SOX13: variants seen among roughly 807,000 people sequenced by gnomAD.
SOX13 encodes the protein transcription factor SOX-13.
In SOX13, 28 loss-of-function variants were observed where a neutral mutation model predicts 71.8. The observed-to-expected ratio is 0.39, with a 90% CI of 0.29 to 0.53. The LOEUF (loss-of-function observed/expected upper bound fraction) is 0.53. Among genes scored for constraint, SOX13 ranks in the 20% least tolerant of loss-of-function variants. SOX13 has a pLI of 0.70. For synonymous variants in SOX13, 309 were observed against 317.8 expected (o/e 0.97, Z 0.29); for missense variants, 627 against 810.3 (o/e 0.77, Z 2.75).
intron 1 of SOX13, among the ~76,000 whole-genome samples, chr1:204,091,592 T>C (rs1344395571): frequency 6.6e-6 from 1 of 152,216 alleles, no homozygotes; most frequent in African/African-American, 2.4e-5. Context: ...GAACAAAGCC[T>C]CTTTCCCATC....
rs760681109 is a variant in SOX13 at position 204,124,761 on chromosome 1, G to A, written c.1496G>A (p.Arg499His). The part of the protein sequence containing the change: ...PDYKYKPRPK[R>H]TCIVEGKRLR... ...TACAAGTACAAGCCGCGGCCCAAGC[G>A]CACCTGCATCGTGGAGGGCAAGCGG... The change falls in exon 13 of 14, where the codon CGC (arginine) becomes CAC (histidine). Residue 499 changes from arginine to histidine, a missense_variant. This residue lies in a region of SOX13 where 148 missense variants were observed against 192.7 expected (regional missense o/e 0.77). Transcript: ENST00000367204. The A allele has an allele frequency of 2.5e-6, 4 of 1,607,916 alleles. No homozygotes were observed. Among genetic ancestry groups the A allele is most frequent in the Non-Finnish European group, 2.5e-6 (3 of 1,177,542 alleles).
At position 204,126,495 on chromosome 1, in the gene SOX13, T is replaced by G; in HGVS notation, c.*361T>G. The G allele has an allele frequency of 3.6e-6, 1 of 277,226 alleles. No individual in the cohort carries two copies. The highest frequency in any genetic ancestry group is 4.7e-5 in the Admixed American group (1 of 21,134). 17.2% of individuals were successfully genotyped at this position (277,226 alleles called of 1,614,324 possible). A position where few individuals can be genotyped will look rare whatever the true frequency, so the allele number is the denominator to read the frequency against. On this transcript the variant is annotated 3_prime_UTR_variant, in exon 14 of 14. Transcript: ENST00000367204. Reference sequence around the variant, plus strand: ...CCTGGGGTCACATGCTTTGTTTCCATTCTTGTCCTGGCTGGACCAGCCACT... The same window carrying G: ...CCTGGGGTCACATGCTTTGTTTCCAGTCTTGTCCTGGCTGGACCAGCCACT...
intron 7 of SOX13, chr1:204,118,296 A>AG (rs1656737177): frequency 6.6e-6 from 1 of 151,992 alleles, no homozygotes. Flanking sequence ...CAAAAAAAAA[A>AG]AAAAAATCTG....
intron 5 of SOX13, 143 bp from the exon 6 acceptor site, chr1:204,116,979 G>T: frequency 1.2e-6 from 1 of 858,732 alleles, no homozygotes. Context: ...AACCAATTCT[G>T]AGGGCTGACT....
At position 204,116,488 on chromosome 1, in the gene SOX13, C is replaced by G; in HGVS notation, c.419-19C>G. 2.5e-6 allele frequency: 4 copies of G among 1,613,154 alleles called. No homozygotes were observed. The highest frequency in any genetic ancestry group is 3.4e-6 in the Non-Finnish European group (4 of 1,179,294). On this transcript the variant is annotated intron_variant, in intron 4 of 13. Coordinates refer to ENST00000367204, the MANE Select transcript of SOX13 (RefSeq NM_005686.3). ...AACAAGTAAAAAGTCTCAATGGGGTCTGTTTCACTGTGGAGCAGGGACCCA... is the reference window on the plus strand; with the variant it reads ...AACAAGTAAAAAGTCTCAATGGGGTGTGTTTCACTGTGGAGCAGGGACCCA...
intron 1 of SOX13, among the ~76,000 whole-genome samples, chr1:204,083,167 G>A (rs1013446709): frequency 7.2e-5 from 11 of 152,274 alleles, no homozygotes; most frequent in African/African-American, 2.4e-4. Context: ...AGTGGGGAAG[G>A]GGGTTGTGTG....
intron 1 of SOX13, among the ~76,000 whole-genome samples, chr1:204,082,639 T>C (rs1176530277): frequency 6.6e-6 from 1 of 151,622 alleles, no homozygotes; most frequent in African/African-American, 2.4e-5. Flanking sequence ...AAAGGAGAGG[T>C]AGAGAAAGAC....
chr1:204,093,381 C>T (rs1294615452), intron 1 of SOX13, among the ~76,000 whole-genome samples: 1 of 152,196 alleles, frequency 6.6e-6, no homozygotes, highest in Non-Finnish European at 1.5e-5. Context: ...TGCTTTGAGG[C>T]ATGAAGCCAC....
In SOX13 at chr1:204,096,239, G is replaced by GTTTTTTTTTTTTTTTTT. The variant is rs59094119; in HGVS notation, c.-1-16674_-1-16658dup. ...CTTTTCTTTTCTTTTTCTTTCTTTC[G>GTTTTTTTTTTTTTTTTT]TTTTTTTTTTTTTTTTTTGCGACAG... On this transcript the variant is annotated intron_variant, in intron 1 of 13. Coordinates refer to ENST00000367204, the MANE Select transcript of SOX13 (RefSeq NM_005686.3). Among the ~76,000 whole-genome samples, 2 of 85,360 alleles carry GTTTTTTTTTTTTTTTTT rather than the reference G, an allele frequency of 2.3e-5. 1 individual carries two copies. The allele number at this position is 85,360 out of a possible 152,430, so 56.0% of individuals were successfully genotyped here. A position where few individuals can be genotyped will look rare whatever the true frequency, so the allele number is the denominator to read the frequency against.
chr1:204,099,424 CTTTTTTT>C (rs200311750), intron 1 of SOX13, among the ~76,000 whole-genome samples: 1 of 93,452 alleles, frequency 1.1e-5, no homozygotes, highest in Non-Finnish European at 2.1e-5. Flanking sequence ...CTTTTTCTGG[CTTTTTTT>C]TTTTTTTTTT....
At chr1:204,074,507 T>C (rs1655744283) in intron 1 of SOX13, 1 of 152,012 alleles carries the variant, frequency 6.6e-6, no homozygotes, top group African/African-American at 2.4e-5. Flanking sequence ...ACCCCGCGCG[T>C]TCCGTACGTA....
intron 1 of SOX13, among the ~76,000 whole-genome samples, chr1:204,094,421 A>C (rs1656207237): frequency 1.3e-5 from 2 of 152,170 alleles, no homozygotes; most frequent in African/African-American, 4.8e-5. Context: ...ACAGGGTTAA[A>C]TTCTTCCTAA....
At chr1:204,125,754 G>A in intron 13 of SOX13, 104 bp from the exon 14 acceptor site, 1 of 1,265,086 alleles carries the variant, frequency 7.9e-7, no homozygotes, top group Non-Finnish European at 1.1e-6. Context: ...ACAGCCAAGA[G>A]TGTGTGGAGT....
At chr1:204,085,285 A>G (rs1655992955) in intron 1 of SOX13, among the ~76,000 whole-genome samples, 1 of 152,200 alleles carries the variant, frequency 6.6e-6, no homozygotes. Context: ...CTAACCATAG[A>G]GATGATAACA....
At chr1:204,104,921 G>A (rs893689744) in intron 1 of SOX13, among the ~76,000 whole-genome samples, 3 of 152,142 alleles carry the variant, frequency 2.0e-5, no homozygotes, top group Non-Finnish European at 4.4e-5. Context: ...ATCCAACAGG[G>A]TCAGTTGTTG....
At chr1:204,122,124 T>G in intron 8 of SOX13, 113 bp from the exon 9 acceptor site, 1 of 1,108,262 alleles carries the variant, frequency 9.0e-7, no homozygotes, top group African/African-American at 1.6e-5. Context: ...TGCGTCCACT[T>G]TTCTGTCTGT....
At chr1:204,083,083 C>T (rs1177362983) in intron 1 of SOX13, among the ~76,000 whole-genome samples, 3 of 152,170 alleles carry the variant, frequency 2.0e-5, no homozygotes, top group Admixed American at 2.0e-4. Flanking sequence ...ATTTGGGGCT[C>T]ATTTTGGCTA....
intron 1 of SOX13, among the ~76,000 whole-genome samples, chr1:204,079,348 T>TG: frequency 6.8e-6 from 1 of 146,540 alleles, no homozygotes; most frequent in Admixed American, 6.7e-5. Flanking sequence ...AGAACATTTT[T>TG]TTTTTTTTTT....
chr1:204,105,413 C>CTTTTTTTTT (rs35841451), intron 1 of SOX13, among the ~76,000 whole-genome samples: 4 of 137,958 alleles, frequency 2.9e-5, no homozygotes, highest in Non-Finnish European at 3.0e-5. Flanking sequence ...TGTATAATCT[C>CTTTTTTTTT]TTTTTTTTTT....
Sources: gnomAD v4.1 joint callset for allele counts (sites outside exome capture counted in the v4.1 genomes callset) on GRCh38, gnomAD v4.1.1 for gene constraint, gnomAD v4.1.1 regional missense constraint, MANE v1.5 for transcripts, NCBI Gene and HGNC (gene_info 2026-07-23, HGNC 2026-07-21) for gene names.